The following NRG1 variants were observed in gnomAD, a reference collection of about 807,000 sequenced individuals.
NRG1 encodes pro-neuregulin-1, membrane-bound isoform.
Under a neutral mutation model 63.8 loss-of-function variants are expected in NRG1, and 18 were observed. The observed-to-expected ratio is 0.28, with a 90% CI of 0.19 to 0.42. The LOEUF is 0.42. Ranked by LOEUF, NRG1 falls within the 10% of genes least tolerant of loss-of-function variation. The pLI is 1.00. For synonymous variants in NRG1, 302 were observed against 301.3 expected (o/e 1.00, Z -0.02); for missense variants, 762 against 814.7 (o/e 0.94, Z 0.79).
chr8:31,749,992 C>T (rs1816289178), intron 1 of NRG1, among the ~76,000 whole-genome samples: 1 of 151,734 alleles, frequency 6.6e-6, no homozygotes, highest in Non-Finnish European at 1.5e-5. Context: ...AGTTTCTCCA[C>T]GTTGCTTGTA....
intron 1 of NRG1, among the ~76,000 whole-genome samples, chr8:31,734,760 A>G (rs1814482531): frequency 6.6e-6 from 1 of 152,154 alleles, no homozygotes; most frequent in African/African-American, 2.4e-5. Context: ...GTGTTTCCAG[A>G]TGCTGCACCA....
At chr8:31,712,513 CT>C (rs1299700222) in intron 1 of NRG1, among the ~76,000 whole-genome samples, 1 of 152,090 alleles carries the variant, frequency 6.6e-6, no homozygotes, top group East Asian at 1.9e-4. Flanking sequence ...TGTAATCCAC[CT>C]GCCTCGGCCT....
chr8:32,254,763 A>G (rs1849494656), intron 1 of NRG1, among the ~76,000 whole-genome samples: 1 of 152,170 alleles, frequency 6.6e-6, no homozygotes, highest in South Asian at 2.1e-4. Flanking sequence ...TCTAATGTTG[A>G]CAGTCAGGTA....
intron 1 of NRG1, among the ~76,000 whole-genome samples, chr8:32,496,426 A>G (rs1035140607): frequency 9.2e-5 from 14 of 152,130 alleles, no homozygotes; most frequent in African/African-American, 3.1e-4. Flanking sequence ...CTAAAAAATA[A>G]TATCTTTTAA....
At chr8:32,092,903 A>G (rs140036053) in intron 1 of NRG1, among the ~76,000 whole-genome samples, 1 of 152,314 alleles carries the variant, frequency 6.6e-6, no homozygotes, top group African/African-American at 2.4e-5. Context: ...CCAAGTGTTG[A>G]TCACATGCAT....
intron 1 of NRG1, among the ~76,000 whole-genome samples, chr8:31,730,534 G>A (rs1347247026): frequency 6.6e-6 from 1 of 152,098 alleles, no homozygotes; most frequent in African/African-American, 2.4e-5. Context: ...ATAGATTGGG[G>A]AACAGATGGG....
intron 1 of NRG1, among the ~76,000 whole-genome samples, chr8:31,726,020 T>G (rs538679798): frequency 4.1e-4 from 62 of 152,290 alleles, no homozygotes; most frequent in African/African-American, 1.3e-3. Flanking sequence ...TATTTGGAGA[T>G]TGCTACATAT....
intron 1 of NRG1, among the ~76,000 whole-genome samples, chr8:31,991,473 C>A (rs17611063): frequency 6.6e-6 from 1 of 151,774 alleles, no homozygotes; most frequent in African/African-American, 2.4e-5. Context: ...ACCTTCATGT[C>A]CAAGCACTGT....
chr8:31,684,868 GAA>G (rs1346675153), intron 1 of NRG1, among the ~76,000 whole-genome samples: 1 of 151,170 alleles, frequency 6.6e-6, no homozygotes, highest in Non-Finnish European at 1.5e-5. Flanking sequence ...AAAAAAAAAA[GAA>G]AACAAAAAGA....
At position 32,479,683 on chromosome 8, in the gene NRG1, C is replaced by A. The variant is rs571350463; in HGVS notation, c.38-116145C>A. 9.2e-5 allele frequency among the ~76,000 whole-genome samples: 14 copies of A among 152,188 alleles called. No individual in the cohort carries two copies. The East Asian group carries it at 1.4e-3, about 15-fold the overall frequency. ...GTTTGTTTTTTGAGACAGAGCCCTG[C>A]TCTGTCATCAGTCTGGAGTACAGTG... On this transcript the variant is annotated intron_variant, in intron 1 of 10. Transcript: ENST00000519301.
chr8:32,034,743 T>A (rs1818774754), intron 1 of NRG1, among the ~76,000 whole-genome samples: 1 of 152,246 alleles, frequency 6.6e-6, no homozygotes. Context: ...CATAGAGGTG[T>A]TAATAGTATC....
intron 1 of NRG1, among the ~76,000 whole-genome samples, chr8:32,536,195 C>A (rs1831948629): frequency 1.3e-5 from 2 of 152,158 alleles, no homozygotes; most frequent in Admixed American, 1.3e-4. Flanking sequence ...AAGGTGTTGA[C>A]CGGGCCGTCT....
At chr8:32,768,015 A>G (rs1456130819), downstream of NRG1, 1 of 152,150 alleles carries the variant, frequency 6.6e-6, no homozygotes, top group South Asian at 2.1e-4. Flanking sequence ...AGCACCTTTC[A>G]TCTCATTCCC....
At chr8:32,340,066 C>A (rs1465070980) in intron 1 of NRG1, among the ~76,000 whole-genome samples, 6 of 151,918 alleles carry the variant, frequency 3.9e-5, no homozygotes, top group Non-Finnish European at 8.8e-5. Context: ...AGGACTTCTG[C>A]CATAGAACTA....
At chr8:31,885,429 A>T (rs1011119661) in intron 1 of NRG1, among the ~76,000 whole-genome samples, 1 of 152,138 alleles carries the variant, frequency 6.6e-6, no homozygotes, top group African/African-American at 2.4e-5. Flanking sequence ...AAAGAAAAAA[A>T]AATGTCCACT....
At chr8:32,072,426 C>T (rs1825891827) in intron 1 of NRG1, among the ~76,000 whole-genome samples, 1 of 152,122 alleles carries the variant, frequency 6.6e-6, no homozygotes, top group Non-Finnish European at 1.5e-5. Context: ...TTACCCACCC[C>T]CAACTCCATG....
intron 1 of NRG1, among the ~76,000 whole-genome samples, chr8:32,249,851 A>C (rs1344077890): frequency 6.6e-6 from 1 of 152,124 alleles, no homozygotes; most frequent in Admixed American, 6.6e-5. Context: ...TATTCAAAGC[A>C]TTGCAAAATG....
At chr8:32,513,919 C>T (rs920116888) in intron 1 of NRG1, among the ~76,000 whole-genome samples, 2 of 152,040 alleles carry the variant, frequency 1.3e-5, no homozygotes, top group Admixed American at 1.3e-4. Context: ...AAGGGGAGAG[C>T]CAACTAGTGG....
chr8:32,623,447 T>C (rs1427082357), intron 5 of NRG1, among the ~76,000 whole-genome samples: 1 of 152,232 alleles, frequency 6.6e-6, no homozygotes, highest in East Asian at 1.9e-4. Flanking sequence ...GAATGCAAAT[T>C]GTGTTTTCAG....
Sources: allele counts gnomAD v4.1 joint callset (sites outside exome capture counted in the v4.1 genomes callset), GRCh38; gene constraint gnomAD v4.1.1; transcripts MANE v1.5; gene names NCBI Gene and HGNC (gene_info 2026-07-23, HGNC 2026-07-21).